Variants in NFIB observed in about 807,000 individuals in gnomAD.
NFIB encodes the protein nuclear factor I B, also known as nuclear factor 1 B-type.
A neutral mutation model predicts 61.5 loss-of-function variants in NFIB; 11 were observed. That is an observed-to-expected ratio of 0.18 (90% confidence interval 0.11 to 0.30). The LOEUF is 0.30. Among genes scored for constraint, NFIB ranks in the 10% least tolerant of loss-of-function variants. The pLI is 1.00. For missense variants in NFIB, 471 were observed against 608.9 expected (o/e 0.77, Z 2.38); for synonymous variants, 260 against 216.5 (o/e 1.20, Z -1.76).
intron 1 of NFIB, among the ~76,000 whole-genome samples, chr9:14,377,748 C>T (rs2061436630): frequency 6.6e-6 from 1 of 152,156 alleles, no homozygotes; most frequent in Non-Finnish European, 1.5e-5. Flanking sequence ...GCTAGCTGTG[C>T]CCAGGCCCCA....
At chr9:14,119,746 G>A (rs1176518085) in intron 8 of NFIB, among the ~76,000 whole-genome samples, 1 of 152,176 alleles carries the variant, frequency 6.6e-6, no homozygotes, top group Admixed American at 6.5e-5. Context: ...CACAAAGACT[G>A]TCTACTTGAT....
At chr9:14,238,820 C>T (rs2054065105) in intron 2 of NFIB, among the ~76,000 whole-genome samples, 1 of 152,142 alleles carries the variant, frequency 6.6e-6, no homozygotes, top group Admixed American at 6.5e-5. Context: ...CAATTTCACC[C>T]AACCGAGATA....
At chr9:14,316,155 A>G (rs887338508), upstream of NFIB, among the ~76,000 whole-genome samples, 1 of 152,212 alleles carries the variant, frequency 6.6e-6, no homozygotes, top group African/African-American at 2.4e-5. Context: ...AGCATTTCAC[A>G]ACGACACATC....
chr9:14,120,594 G>A lies in NFIB; in HGVS notation c.1091C>T (p.Ser364Leu), dbSNP rs2038789148. The A allele has an allele frequency of 6.2e-7, 1 of 1,612,360 alleles. No individual in the cohort carries two copies. Among genetic ancestry groups the A allele is most frequent in the Non-Finnish European group, 8.5e-7 (1 of 1,179,324 alleles). The change falls in exon 8 of 11, where the codon TCA (serine) becomes TTA (leucine). Residue 364 changes from serine to leucine, a missense_variant. By Grantham distance (145) the Ser-to-Leu change is moderately radical. Coordinates refer to ENST00000380953, the MANE Select transcript of NFIB (RefSeq NM_001190737.2). The surrounding 1 kb of genome is among the most constrained non-coding windows in gnomAD (Gnocchi z 4.4). ...AGCTTGTGTTGGAAATGGCAACGGT[G>A]AAGGTGGAGGTGGAGTTCGAGTTGA... ...VISTRTPPPP[S>L]PLPFPTQAIL...
chr9:14,509,107 A>T, the NFIB span, among the ~76,000 whole-genome samples: 26,581 of 152,130 alleles, frequency 0.17, 2,491 homozygotes, highest in South Asian at 0.27. Context: ...TTTCTTGAGG[A>T]CTTACTTGTG....
chr9:14,414,838 C>G, the NFIB span, among the ~76,000 whole-genome samples: 1 of 152,108 alleles, frequency 6.6e-6, no homozygotes, highest in Admixed American at 6.5e-5. Flanking sequence ...GACACTTAGG[C>G]TAAATGTTTC....
chr9:14,266,096 G>C (rs1425999002), intron 2 of NFIB, among the ~76,000 whole-genome samples: 1 of 152,158 alleles, frequency 6.6e-6, no homozygotes, highest in Non-Finnish European at 1.5e-5. Context: ...CTCACTCACT[G>C]TAGACCTCTC....
chr9:14,365,282 G>A (rs1032269770), intron 1 of NFIB, among the ~76,000 whole-genome samples: 1 of 152,128 alleles, frequency 6.6e-6, no homozygotes, highest in African/African-American at 2.4e-5. Flanking sequence ...CATTTTATTT[G>A]TTTCCTGCTT....
intron 4 of NFIB, among the ~76,000 whole-genome samples, chr9:14,150,619 G>C (rs907267741): frequency 1.3e-5 from 2 of 151,998 alleles, no homozygotes; most frequent in African/African-American, 4.8e-5. Context: ...CTATCACTCA[G>C]CAACACCAAA....
At chr9:14,193,228 T>G (rs1227076035) in intron 2 of NFIB, among the ~76,000 whole-genome samples, 1 of 151,948 alleles carries the variant, frequency 6.6e-6, no homozygotes. Flanking sequence ...TTACTTCTTC[T>G]TTTTATCATC....
At chr9:14,489,411 T>TC in the NFIB span, among the ~76,000 whole-genome samples, 7 of 152,350 alleles carry the variant, frequency 4.6e-5, no homozygotes, top group Middle Eastern at 3.4e-3. Flanking sequence ...TATGGCTATT[T>TC]GTGTGCCTTT....
In NFIB at chr9:14,255,966, C is replaced by G. The variant is rs571439408; in HGVS notation, c.562+51023G>C. Among the ~76,000 whole-genome samples, 15 of 152,330 alleles carry G rather than the reference C, an allele frequency of 9.8e-5. No homozygotes were observed. The South Asian group carries it at 1.9e-3, about 19-fold the overall frequency. On this transcript the variant is annotated intron_variant, in intron 2 of 10. Coordinates refer to ENST00000380953, the MANE Select transcript of NFIB (RefSeq NM_001190737.2). Reference sequence around the variant, plus strand: ...GAAATACAAAACACTGTACTCAAGGCACCTAGTTTAAATCCACCACCTATT... The same window carrying G: ...GAAATACAAAACACTGTACTCAAGGGACCTAGTTTAAATCCACCACCTATT...
In NFIB at chr9:14,158,241, C is replaced by T. The variant is rs191980634; in HGVS notation, c.617-2348G>A. On this transcript the variant is annotated intron_variant, in intron 3 of 10. Coordinates refer to ENST00000380953, the MANE Select transcript of NFIB (RefSeq NM_001190737.2). ...CAATTGTACTTTGTAAATGCCTACC[C>T]TTCATATCTTCCTCCTGCAGCTCCC... 1.8e-4 allele frequency among the ~76,000 whole-genome samples: 27 copies of T among 152,202 alleles called. No homozygotes were observed. In the East Asian group the frequency reaches 3.9e-3, roughly 22 times the overall value.
the NFIB span, among the ~76,000 whole-genome samples, chr9:14,447,048 A>G: frequency 6.6e-6 from 1 of 152,170 alleles, no homozygotes; most frequent in Non-Finnish European, 1.5e-5. Flanking sequence ...ACCAACACAG[A>G]AATTCCTTAT....
chr9:14,496,832 C>G, the NFIB span, among the ~76,000 whole-genome samples: 2 of 152,222 alleles, frequency 1.3e-5, no homozygotes, highest in Non-Finnish European at 2.9e-5. Context: ...AAATAAAATA[C>G]TAGCCATTGC....
chr9:14,227,399 T>C (rs1344083137), intron 2 of NFIB, among the ~76,000 whole-genome samples: 2 of 152,156 alleles, frequency 1.3e-5, no homozygotes, highest in African/African-American at 4.8e-5. Flanking sequence ...CAAAACTATC[T>C]GTTGAATAAA....
At chr9:14,226,655 T>C (rs1370232811) in intron 2 of NFIB, among the ~76,000 whole-genome samples, 2 of 152,086 alleles carry the variant, frequency 1.3e-5, no homozygotes, top group Non-Finnish European at 2.9e-5. Flanking sequence ...TCCAGATAAT[T>C]GCTAATCACA....
At chr9:14,457,420 A>C in the NFIB span, among the ~76,000 whole-genome samples, 4 of 152,198 alleles carry the variant, frequency 2.6e-5, no homozygotes, top group Non-Finnish European at 5.9e-5. Flanking sequence ...GGAAAGATCT[A>C]AAATTGACAC....
chr9:14,289,562 T>C (rs1165397131), intron 2 of NFIB, among the ~76,000 whole-genome samples: 11 of 151,430 alleles, frequency 7.3e-5, no homozygotes. Context: ...TAGATAGATA[T>C]ACACACACAC....
Sources: gnomAD v4.1 joint callset for allele counts (sites outside exome capture counted in the v4.1 genomes callset) on GRCh38, gnomAD v4.1.1 for gene constraint, Gnocchi (gnomAD v3.1) non-coding constraint, MANE v1.5 for transcripts, NCBI Gene and HGNC (gene_info 2026-07-23, HGNC 2026-07-21) for gene names.